The following DENND5A variants were observed in gnomAD, a reference collection of about 807,000 sequenced individuals.
The protein encoded by DENND5A is DENN domain-containing protein 5A.
In DENND5A, 64 loss-of-function variants were observed where a neutral mutation model predicts 140.3. The ratio of observed to expected loss-of-function variants is 0.46; its 90% CI spans 0.37 to 0.56. The LOEUF is 0.56. DENND5A is among the 20% of genes least tolerant of loss of function. The probability of loss-of-function intolerance (pLI) is 0.00; values close to 1 mark genes in which losing one functional copy is unlikely to be tolerated. For missense variants in DENND5A, 1,292 were observed against 1,593.8 expected (o/e 0.81, Z 3.22); for synonymous variants, 605 against 607.7 (o/e 1.00, Z 0.07).
chr11:9,174,343 T>G (rs745461505), intron 8 of DENND5A, among the ~76,000 whole-genome samples: 1 of 151,704 alleles, frequency 6.6e-6, no homozygotes, highest in Non-Finnish European at 1.5e-5. Flanking sequence ...CCCAATTACA[T>G]GCTGCCTACA....
chr11:9,166,086 T>TA, intron 10 of DENND5A, 119 bp from the exon 11 acceptor site: 2 of 957,746 alleles, frequency 2.1e-6, no homozygotes, highest in Non-Finnish European at 1.5e-6. Flanking sequence ...TTTTTCTTTT[T>TA]CTTTTTTTTT....
In DENND5A at chr11:9,204,816, C is replaced by T. The variant is rs1849642557; in HGVS notation, c.292-499G>A. 2.0e-5 allele frequency among the ~76,000 whole-genome samples: 3 copies of T among 152,212 alleles called. No homozygotes were observed. In the South Asian group the frequency reaches 6.2e-4, roughly 31 times the overall value. On this transcript the variant is annotated intron_variant, in intron 3 of 22. Coordinates refer to ENST00000328194, the MANE Select transcript of DENND5A (RefSeq NM_015213.4). ...GACGGAGGTTGCAGTGAGCCAAGATCATGCACTGCACTCCAGCCTGAGCGA... is the reference window on the plus strand; with the variant it reads ...GACGGAGGTTGCAGTGAGCCAAGATTATGCACTGCACTCCAGCCTGAGCGA...
chr11:9,258,668 G>A (rs552262901), intron 1 of DENND5A, among the ~76,000 whole-genome samples: 19 of 152,056 alleles, frequency 1.2e-4, no homozygotes, highest in South Asian at 2.1e-4. Flanking sequence ...TGTTCCCCCC[G>A]CATCCACCAC....
At chr11:9,221,918 C>T (rs1308669307) in intron 1 of DENND5A, among the ~76,000 whole-genome samples, 17 of 151,878 alleles carry the variant, frequency 1.1e-4, no homozygotes, top group Admixed American at 5.3e-4. Flanking sequence ...CCACCACGCC[C>T]GGCTAATTTT....
chr11:9,226,244 G>C (rs1379557677), intron 1 of DENND5A, among the ~76,000 whole-genome samples: 2 of 152,138 alleles, frequency 1.3e-5, no homozygotes, highest in Non-Finnish European at 2.9e-5. Flanking sequence ...TCTTCTTGTG[G>C]TAATTCTATG....
At chr11:9,170,827 C>G in intron 8 of DENND5A, 50 bp from the exon 9 acceptor site, 1 of 1,594,632 alleles carries the variant, frequency 6.3e-7, no homozygotes, top group Non-Finnish European at 8.6e-7. Flanking sequence ...CATAAATACA[C>G]ACACAAATAA....
Position 9,174,102 on chromosome 11 carries a change from C to CAAAAAAAAAAAAAAAAAA in DENND5A, c.1907-3343_1907-3326dup, listed in dbSNP as rs57703622. On this transcript the variant is annotated intron_variant, in intron 8 of 22. Transcript: ENST00000328194. The stretch of plus-strand genomic sequence containing the variant: ...TGGGCGATAGAGCAAGACTCCGTCT[C>CAAAAAAAAAAAAAAAAAA]AAAAAAAAAAAAAAAAAAAAAAAAA... Among the ~76,000 whole-genome samples, 4 of 42,150 alleles carry CAAAAAAAAAAAAAAAAAA rather than the reference C, an allele frequency of 9.5e-5. 1 individual carries two copies. The highest frequency in any genetic ancestry group is 1.2e-4 in the Non-Finnish European group (3 of 24,122). 27.7% of individuals were successfully genotyped at this position (42,150 alleles called of 152,430 possible).
At chr11:9,189,309 G>A (rs1849028089) in intron 5 of DENND5A, among the ~76,000 whole-genome samples, 2 of 152,248 alleles carry the variant, frequency 1.3e-5, no homozygotes, top group South Asian at 4.1e-4. Context: ...AGAGAAGTTT[G>A]TTGCAGGGAC....
At chr11:9,242,164 G>C (rs947167570) in intron 1 of DENND5A, among the ~76,000 whole-genome samples, 2 of 151,406 alleles carry the variant, frequency 1.3e-5, no homozygotes, top group Admixed American at 1.3e-4. Context: ...ATTTTTCAAT[G>C]TCTCCCTCCA....
At chr11:9,174,349 C>T (rs146335524) in intron 8 of DENND5A, among the ~76,000 whole-genome samples, 5 of 151,612 alleles carry the variant, frequency 3.3e-5, no homozygotes, top group Non-Finnish European at 7.4e-5. Flanking sequence ...TACATGCTGC[C>T]TACAATAAAT....
At chr11:9,210,147 A>C (rs1849826621) in intron 1 of DENND5A, among the ~76,000 whole-genome samples, 1 of 152,088 alleles carries the variant, frequency 6.6e-6, no homozygotes, top group Non-Finnish European at 1.5e-5. Flanking sequence ...CTTAATCCTC[A>C]GAAACACCTA....
intron 15 of DENND5A, among the ~76,000 whole-genome samples, chr11:9,148,342 G>GAAA (rs34600940): frequency 7.7e-6 from 1 of 130,122 alleles, no homozygotes. Flanking sequence ...GGTGTCAAAT[G>GAAA]AAAAAAAAAA....
chr11:9,186,776 C>A (rs1275622415), intron 5 of DENND5A, among the ~76,000 whole-genome samples: 1 of 152,128 alleles, frequency 6.6e-6, no homozygotes, highest in South Asian at 2.1e-4. Context: ...AGTTAATATA[C>A]CCTAGAGACT....
rs1849273932 is a variant in DENND5A, at chr11:9,195,036, T to A, written c.950-1355A>T. ...CCAGCCAGCCTTTTTTTTTTTTTTT[T>A]AATGACTAATAAATATATTGGTACA... On this transcript the variant is annotated intron_variant, in intron 4 of 22. Coordinates refer to ENST00000328194, the MANE Select transcript of DENND5A (RefSeq NM_015213.4). Among the ~76,000 whole-genome samples, 3 of 142,460 alleles carry A rather than the reference T, an allele frequency of 2.1e-5. No homozygotes were observed. The Admixed American group carries it at 2.1e-4, about 10-fold the overall frequency. The allele number at this position is 142,460 out of a possible 152,430, so 93.5% of individuals were successfully genotyped here. A position where few individuals can be genotyped will look rare whatever the true frequency, so the allele number is the denominator to read the frequency against.
chr11:9,223,322 G>A (rs919887703), intron 1 of DENND5A, among the ~76,000 whole-genome samples: 1 of 152,006 alleles, frequency 6.6e-6, no homozygotes, highest in African/African-American at 2.4e-5. Flanking sequence ...CAAGGCAGGC[G>A]GAGGTCAGGA....
intron 5 of DENND5A, among the ~76,000 whole-genome samples, chr11:9,186,562 T>C (rs1401948468): frequency 1.3e-5 from 2 of 152,236 alleles, no homozygotes; most frequent in Non-Finnish European, 2.9e-5. Flanking sequence ...TTGGTTGGCT[T>C]TTCTCCCACT....
chr11:9,235,580 C>T (rs1313411282), intron 1 of DENND5A, among the ~76,000 whole-genome samples: 4 of 151,876 alleles, frequency 2.6e-5, no homozygotes, highest in Admixed American at 2.6e-4. Flanking sequence ...ATTGTTTGAA[C>T]CCAGGAGATG....
At chr11:9,182,454 G>A (rs1301441713) in intron 5 of DENND5A, among the ~76,000 whole-genome samples, 1 of 152,208 alleles carries the variant, frequency 6.6e-6, no homozygotes, top group East Asian at 1.9e-4. Context: ...GCTGGGACTT[G>A]AACTCAGCTA....
intron 1 of DENND5A, among the ~76,000 whole-genome samples, chr11:9,261,544 G>A (rs577205649): frequency 8.5e-5 from 13 of 152,152 alleles, no homozygotes; most frequent in Admixed American, 3.9e-4. Flanking sequence ...TTGGGAGGCC[G>A]AGGTGGGCAG....
Sources: gnomAD v4.1 joint callset for allele counts (sites outside exome capture counted in the v4.1 genomes callset) on GRCh38, gnomAD v4.1.1 for gene constraint, MANE v1.5 for transcripts, NCBI Gene and HGNC (gene_info 2026-07-23, HGNC 2026-07-21) for gene names.